The following NXPE2 variants were observed in gnomAD, a reference collection of about 807,000 sequenced individuals.
NXPE2 encodes the protein NXPE family member 2.
A neutral mutation model predicts 34.4 loss-of-function variants in NXPE2; 34 were observed. The ratio of observed to expected loss-of-function variants is 0.99; its 90% CI spans 0.75 to 1.31. The LOEUF is 1.31. Among genes scored for constraint, NXPE2 ranks in the 40% most tolerant of loss-of-function variants. The pLI, the probability that NXPE2 is intolerant of heterozygous loss-of-function variation, is 0.00. For synonymous variants in NXPE2, 235 were observed against 231.3 expected (o/e 1.02, Z -0.15); for missense variants, 649 against 672.5 (o/e 0.97, Z 0.39).
the NXPE2 span, among the ~76,000 whole-genome samples, chr11:114,602,202 TA>T: frequency 9.2e-6 from 1 of 108,716 alleles, no homozygotes; most frequent in African/African-American, 3.7e-5. Context: ...TAATATATAA[TA>T]CTATATACAA....
At chr11:114,808,536 C>T in the NXPE2 span, among the ~76,000 whole-genome samples, 1 of 120,402 alleles carries the variant, frequency 8.3e-6, no homozygotes, top group South Asian at 3.4e-4. Context: ...CACAGAAATA[C>T]AAACTACCAT....
At chr11:114,605,649 G>T in the NXPE2 span, among the ~76,000 whole-genome samples, 4 of 146,742 alleles carry the variant, frequency 2.7e-5, no homozygotes, top group African/African-American at 5.1e-5. Flanking sequence ...ACCACAGTTA[G>T]CTGGTGGATA....
At chr11:114,536,791 T>C in the NXPE2 span, among the ~76,000 whole-genome samples, 2 of 152,134 alleles carry the variant, frequency 1.3e-5, no homozygotes, top group Admixed American at 6.5e-5. Flanking sequence ...CAATAATTAA[T>C]AGCTTACCAA....
chr11:114,630,865 A>T, the NXPE2 span, among the ~76,000 whole-genome samples: 1 of 151,930 alleles, frequency 6.6e-6, no homozygotes, highest in Non-Finnish European at 1.5e-5. Context: ...TGGGCAAAGG[A>T]CATGAACAGA....
At chr11:114,785,746 C>T in the NXPE2 span, among the ~76,000 whole-genome samples, 1 of 152,216 alleles carries the variant, frequency 6.6e-6, no homozygotes. Context: ...TCAGTATTGT[C>T]ATTCACATTT....
At chr11:114,756,132 A>G in the NXPE2 span, among the ~76,000 whole-genome samples, 6 of 151,934 alleles carry the variant, frequency 3.9e-5, no homozygotes, top group African/African-American at 1.5e-4. Context: ...TCCTGGGCCC[A>G]TTAAGTGGTT....
At chr11:114,724,536 T>C in the NXPE2 span, among the ~76,000 whole-genome samples, 2 of 152,176 alleles carry the variant, frequency 1.3e-5, no homozygotes, top group Admixed American at 6.5e-5. Flanking sequence ...ACCAGTCCTT[T>C]GCAGAGTTTT....
chr11:114,597,787 C>T, the NXPE2 span, among the ~76,000 whole-genome samples: 3 of 152,098 alleles, frequency 2.0e-5, no homozygotes, highest in African/African-American at 7.2e-5. Flanking sequence ...CCTGAAAGAG[C>T]TCCTGATGAC....
the NXPE2 span, among the ~76,000 whole-genome samples, chr11:114,716,308 A>G: frequency 6.6e-6 from 1 of 152,216 alleles, no homozygotes; most frequent in Non-Finnish European, 1.5e-5. Context: ...CAAAGAAACT[A>G]GGTCTTTCTG....
downstream of NXPE2, among the ~76,000 whole-genome samples, chr11:114,710,672 C>T (rs942827238): frequency 1.3e-5 from 2 of 151,918 alleles, no homozygotes; most frequent in Non-Finnish European, 2.9e-5. Context: ...TTCTACTAAA[C>T]ATTTAAAGAA....
At chr11:114,789,210 G>A in the NXPE2 span, among the ~76,000 whole-genome samples, 1 of 152,104 alleles carries the variant, frequency 6.6e-6, no homozygotes, top group Non-Finnish European at 1.5e-5. Context: ...AGCTATGTGA[G>A]GTAATGCATA....
intron 2 of NXPE2, among the ~76,000 whole-genome samples, chr11:114,687,591 A>T (rs1158872659): frequency 1.3e-5 from 2 of 151,986 alleles, no homozygotes; most frequent in Admixed American, 6.6e-5. Context: ...TGCCTTGACT[A>T]TTTGGGCTCT....
the NXPE2 span, among the ~76,000 whole-genome samples, chr11:114,718,951 T>C: frequency 1.3e-5 from 2 of 152,162 alleles, no homozygotes; most frequent in Non-Finnish European, 2.9e-5. Flanking sequence ...CATTTCTGTT[T>C]TAGTCCATCA....
chr11:114,686,071 A>G (rs1482303164), intron 2 of NXPE2, among the ~76,000 whole-genome samples: 1 of 152,162 alleles, frequency 6.6e-6, no homozygotes, highest in African/African-American at 2.4e-5. Context: ...AAAACTCCGT[A>G]AAGGGTACAT....
At chr11:114,786,065 T>A in the NXPE2 span, among the ~76,000 whole-genome samples, 6 of 152,160 alleles carry the variant, frequency 3.9e-5, no homozygotes, top group Non-Finnish European at 8.8e-5. Context: ...TGTGAATGTA[T>A]GTTGTGGTGC....
At chr11:114,597,929 C>A in the NXPE2 span, among the ~76,000 whole-genome samples, 7 of 152,090 alleles carry the variant, frequency 4.6e-5, no homozygotes, top group Non-Finnish European at 1.0e-4. Flanking sequence ...CCAACAGTCC[C>A]TCAAAGTCTT....
chr11:114,475,346 T>C, the NXPE2 span, among the ~76,000 whole-genome samples: 1 of 146,948 alleles, frequency 6.8e-6, no homozygotes, highest in Non-Finnish European at 1.5e-5. Flanking sequence ...CGGGTTCAAG[T>C]GATTCTCCTG....
At chr11:114,523,938 T>G in the NXPE2 span, among the ~76,000 whole-genome samples, 1 of 152,228 alleles carries the variant, frequency 6.6e-6, no homozygotes, top group Admixed American at 6.5e-5. Context: ...TAATAATGAC[T>G]TAAAAATAAA....
At chr11:114,624,255 G>A in the NXPE2 span, among the ~76,000 whole-genome samples, 14 of 149,020 alleles carry the variant, frequency 9.4e-5, no homozygotes, top group African/African-American at 2.5e-4. Flanking sequence ...ACTGTGACCC[G>A]GTGGATAATA....
Sources: gnomAD v4.1 joint callset for allele counts (sites outside exome capture counted in the v4.1 genomes callset) on GRCh38, gnomAD v4.1.1 for gene constraint, MANE v1.5 for transcripts, NCBI Gene and HGNC (gene_info 2026-07-23, HGNC 2026-07-21) for gene names.